GRID2: variants seen among roughly 807,000 people sequenced by gnomAD.
GRID2 encodes the protein glutamate ionotropic receptor delta type subunit 2.
In GRID2, 33 loss-of-function variants were observed where a neutral mutation model predicts 114.8. The observed-to-expected ratio is 0.29, with a 90% CI of 0.22 to 0.38. The LOEUF is 0.38. Ranked by LOEUF, GRID2 falls within the 10% of genes least tolerant of loss-of-function variation. GRID2 has a pLI of 1.00. For synonymous variants in GRID2, 505 were observed against 449.9 expected (o/e 1.12, Z -1.55); for missense variants, 1,184 against 1,257.7 (o/e 0.94, Z 0.89).
At chr4:92,522,819 A>C (rs557326669) in intron 1 of GRID2, among the ~76,000 whole-genome samples, 10 of 152,122 alleles carry the variant, frequency 6.6e-5, no homozygotes, top group Admixed American at 5.3e-4. Context: ...TGAGGAGTTC[A>C]TTATTGGACA....
intron 1 of GRID2, among the ~76,000 whole-genome samples, chr4:92,416,397 T>C (rs550060186): frequency 3.6e-4 from 55 of 152,304 alleles, no homozygotes; most frequent in African/African-American, 1.3e-3. Flanking sequence ...GTACAGAAAC[T>C]TTTTAGTTGA....
intron 8 of GRID2, among the ~76,000 whole-genome samples, chr4:93,251,231 T>A (rs1178941700): frequency 6.6e-6 from 1 of 152,200 alleles, no homozygotes; most frequent in Non-Finnish European, 1.5e-5. Flanking sequence ...TTATCAGAAG[T>A]GTGCAAGTAA....
At chr4:93,367,506 C>T (rs1762457419) in intron 8 of GRID2, among the ~76,000 whole-genome samples, 1 of 151,946 alleles carries the variant, frequency 6.6e-6, no homozygotes, top group Non-Finnish European at 1.5e-5. Flanking sequence ...TTACCACATC[C>T]TTGGTTTAAA....
At chr4:93,180,172 T>C (rs1739750767) in intron 4 of GRID2, among the ~76,000 whole-genome samples, 1 of 152,050 alleles carries the variant, frequency 6.6e-6, no homozygotes. Context: ...AATATTTTTC[T>C]TTCACCAAAT....
chr4:92,529,880 C>T (rs557212314), intron 1 of GRID2, among the ~76,000 whole-genome samples: 19 of 151,856 alleles, frequency 1.3e-4, no homozygotes, highest in South Asian at 2.1e-4. Context: ...AGTAGAGAAG[C>T]GGAGAATAGT....
At chr4:92,542,434 C>T (rs1024689483) in intron 1 of GRID2, among the ~76,000 whole-genome samples, 3 of 152,126 alleles carry the variant, frequency 2.0e-5, no homozygotes, top group African/African-American at 7.2e-5. Context: ...AAATGTTCCT[C>T]AGCCATAAAA....
At chr4:93,559,134 A>G (rs931286817) in intron 13 of GRID2, among the ~76,000 whole-genome samples, 1 of 151,852 alleles carries the variant, frequency 6.6e-6, no homozygotes, top group Non-Finnish European at 1.5e-5. Flanking sequence ...CATATGACCA[A>G]CCCATAAAAC....
intron 2 of GRID2, among the ~76,000 whole-genome samples, chr4:93,079,341 A>G (rs1230747438): frequency 6.6e-6 from 1 of 151,942 alleles, no homozygotes; most frequent in Non-Finnish European, 1.5e-5. Context: ...ATGTTTTAAT[A>G]CCAAACTAAA....
chr4:92,483,957 G>T (rs1722743326), intron 1 of GRID2, among the ~76,000 whole-genome samples: 1 of 152,138 alleles, frequency 6.6e-6, no homozygotes, highest in African/African-American at 2.4e-5. Context: ...TAACCTCTCT[G>T]ATATGGCATA....
At chr4:92,589,856 T>A (rs1026207120) in intron 1 of GRID2, among the ~76,000 whole-genome samples, 2 of 152,192 alleles carry the variant, frequency 1.3e-5, no homozygotes, top group Admixed American at 1.3e-4. Flanking sequence ...TACTTTGTCA[T>A]GTAGAAGCTT....
At chr4:93,157,148 A>G (rs912005705) in intron 4 of GRID2, among the ~76,000 whole-genome samples, 2 of 151,698 alleles carry the variant, frequency 1.3e-5, no homozygotes, top group Non-Finnish European at 3.0e-5. Context: ...TTGTGTTCTC[A>G]GTAAGAAGAA....
At chr4:93,311,595 G>T (rs1361524112) in intron 8 of GRID2, among the ~76,000 whole-genome samples, 1 of 152,200 alleles carries the variant, frequency 6.6e-6, no homozygotes, top group East Asian at 1.9e-4. Context: ...TGGTTACTGG[G>T]AGAGAGCATC....
intron 1 of GRID2, among the ~76,000 whole-genome samples, chr4:93,795,778 T>C (rs1734784280): frequency 1.3e-5 from 2 of 152,238 alleles, no homozygotes; most frequent in Non-Finnish European, 2.9e-5. Flanking sequence ...AATGCAATTA[T>C]ATTATCAGCA....
At chr4:93,425,910 C>T (rs527918474) in intron 10 of GRID2, among the ~76,000 whole-genome samples, 20 of 152,070 alleles carry the variant, frequency 1.3e-4, no homozygotes, top group Non-Finnish European at 2.6e-4. Flanking sequence ...TTGGGTTGCT[C>T]TCCAGTCTTT....
At chr4:92,787,296 C>T (rs1480704059) in intron 2 of GRID2, among the ~76,000 whole-genome samples, 2 of 151,726 alleles carry the variant, frequency 1.3e-5, no homozygotes, top group African/African-American at 4.8e-5. Context: ...TTACATTTTA[C>T]AAGACTATAA....
intron 2 of GRID2, among the ~76,000 whole-genome samples, chr4:92,744,344 C>T (rs940127046): frequency 3.3e-5 from 5 of 151,806 alleles, no homozygotes; most frequent in East Asian, 1.9e-4. Flanking sequence ...AAAAATTAGC[C>T]GGGTGTGGTG....
chr4:93,490,757 A>T lies in GRID2; in HGVS notation c.1977A>T (p.Thr659=), dbSNP rs1580230834. ...ACCTCGCTGCTTTCCTCACTATTAC[A>T]CGCATTGAAAGTTCCATCCAGTAAG... ...TANLAAFLTI[T]RIESSIQSLQ... is the part of the protein sequence containing the mutation. The change falls in exon 12 of 16, where the codon ACA becomes ACT. Residue 659 remains threonine (T), a synonymous_variant. Transcript: ENST00000282020. 1 of 1,609,238 alleles carries T rather than the reference A, an allele frequency of 6.2e-7. No individual in the cohort carries two copies. Among genetic ancestry groups the T allele is most frequent in the African/African-American group, 1.3e-5 (1 of 74,670 alleles).
intron 8 of GRID2, among the ~76,000 whole-genome samples, chr4:93,272,594 G>A (rs1368723): frequency 0.58 from 88,630 of 151,934 alleles, 26,464 homozygotes; most frequent in Middle Eastern, 0.75. Context: ...ACTATTCACC[G>A]TGAATGCTAT....
chr4:92,505,425 CTTCCT>C (rs1723911828), intron 1 of GRID2, among the ~76,000 whole-genome samples: 1 of 151,966 alleles, frequency 6.6e-6, no homozygotes, highest in Admixed American at 6.6e-5. Context: ...TTTCTTCCTT[CTTCCT>C]TTCTTTTTGC....
Sources: gnomAD v4.1 joint callset for allele counts (sites outside exome capture counted in the v4.1 genomes callset) on GRCh38, gnomAD v4.1.1 for gene constraint, MANE v1.5 for transcripts, NCBI Gene and HGNC (gene_info 2026-07-23, HGNC 2026-07-21) for gene names.